Variants in CMKLR1 observed in about 807,000 individuals in gnomAD.
CMKLR1 encodes the protein chemerin-like receptor 1.
A neutral mutation model predicts 8.2 loss-of-function variants in CMKLR1; 6 were observed. That is an observed-to-expected ratio of 0.73 (90% CI 0.40 to 1.44). The LOEUF is 1.44. Ranked by LOEUF, CMKLR1 falls within the 40% of genes most tolerant of loss-of-function variation. CMKLR1 has a pLI of 0.02. For synonymous variants in CMKLR1, 178 were observed against 181.2 expected, an observed-to-expected ratio of 0.98 and a Z score of 0.14; for missense variants, 429 against 478.0, an observed-to-expected ratio of 0.90 and a Z score of 0.96.
chr12:108,307,120 C>G (rs1891429918), intron 2 of CMKLR1, among the ~76,000 whole-genome samples: 1 of 152,170 alleles, frequency 6.6e-6, no homozygotes, highest in African/African-American at 2.4e-5. Flanking sequence ...TTAGTTAATC[C>G]CCTGACGTCA....
intron 1 of CMKLR1, among the ~76,000 whole-genome samples, chr12:108,335,553 G>A (rs1250373384): frequency 1.3e-5 from 2 of 152,196 alleles, no homozygotes; most frequent in African/African-American, 2.4e-5. Flanking sequence ...ATTTGTTACT[G>A]CAGCTACTAC....
At chr12:108,299,848 T>C (rs919235632) in intron 2 of CMKLR1, among the ~76,000 whole-genome samples, 3 of 152,134 alleles carry the variant, frequency 2.0e-5, no homozygotes, top group Non-Finnish European at 4.4e-5. Flanking sequence ...TCCAGAACCA[T>C]GAGAGAATAA....
At chr12:108,311,154 G>A (rs751947783) in intron 2 of CMKLR1, among the ~76,000 whole-genome samples, 5 of 152,186 alleles carry the variant, frequency 3.3e-5, no homozygotes, top group Non-Finnish European at 5.9e-5. Flanking sequence ...TCGTGATGAC[G>A]ATGGAGAAGC....
intron 2 of CMKLR1, among the ~76,000 whole-genome samples, chr12:108,326,274 A>T (rs959501335): frequency 4.6e-5 from 7 of 152,152 alleles, no homozygotes; most frequent in African/African-American, 1.7e-4. Flanking sequence ...CTCTAAGAAG[A>T]TCCCCAACCA....
chr12:108,301,698 C>G (rs912505147), intron 2 of CMKLR1, among the ~76,000 whole-genome samples: 1 of 152,218 alleles, frequency 6.6e-6, no homozygotes, highest in African/African-American at 2.4e-5. Flanking sequence ...GGGGGTGTAT[C>G]CTTCCCCCAT....
intron 2 of CMKLR1, among the ~76,000 whole-genome samples, chr12:108,329,164 T>C (rs951721006): frequency 1.3e-5 from 2 of 152,236 alleles, no homozygotes; most frequent in African/African-American, 4.8e-5. Context: ...CAACTGAGTT[T>C]GGAGAGGGCA....
In CMKLR1 at chr12:108,289,512, A is replaced by G. The variant is rs747013620; in HGVS notation, c.*2329T>C. The G allele has an allele frequency of 6.6e-6, 1 of 152,188 alleles. No individual in the cohort carries two copies. The highest frequency in any genetic ancestry group is 1.5e-5 in the Non-Finnish European group (1 of 68,044). The allele number at this position is 152,188 out of a possible 1,614,324, so 9.4% of individuals were successfully genotyped here. ...GTGCTCCTGTTTATCAGCTTTTCCA[A>G]TGACAACATGAATTCCTGGCTCCCC... is the stretch of plus-strand genomic sequence containing the variant. On this transcript the variant is annotated 3_prime_UTR_variant, in exon 4 of 4. Coordinates refer to ENST00000550402, the MANE Select transcript of CMKLR1 (RefSeq NM_001142343.2).
chr12:108,303,184 C>T (rs139746455), intron 2 of CMKLR1, among the ~76,000 whole-genome samples: 5 of 152,342 alleles, frequency 3.3e-5, no homozygotes, highest in South Asian at 2.1e-4. Context: ...GAAGTAACAA[C>T]GTCAGCCCAG....
intron 1 of CMKLR1, among the ~76,000 whole-genome samples, chr12:108,337,973 C>A (rs1289040082): frequency 6.6e-6 from 1 of 152,062 alleles, no homozygotes; most frequent in Non-Finnish European, 1.5e-5. Flanking sequence ...GTAGGGGATG[C>A]AAAAGGGAAG....
chr12:108,335,359 G>A (rs1798363530), intron 1 of CMKLR1, among the ~76,000 whole-genome samples: 1 of 152,104 alleles, frequency 6.6e-6, no homozygotes, highest in Non-Finnish European at 1.5e-5. Context: ...AAGCAAATAT[G>A]CCACCTCCAT....
Position 108,301,528 on chromosome 12 carries a change from C to T in CMKLR1, c.-73-7864G>A, listed in dbSNP as rs560202539. Among the ~76,000 whole-genome samples the T allele has an allele frequency of 5.9e-4, 90 of 152,312 alleles. 1 individual carries two copies. The highest frequency in any genetic ancestry group is 2.1e-3 in the African/African-American group (87 of 41,572). On this transcript the variant is annotated intron_variant, in intron 2 of 3. Coordinates refer to ENST00000550402, the MANE Select transcript of CMKLR1 (RefSeq NM_001142343.2). ...CCCTACTATGTAACATGTGTTCATC[C>T]TCCACCAGCCCCCAGCTCAGTGCCT...
chr12:108,332,294 C>G (rs552412236), intron 1 of CMKLR1, among the ~76,000 whole-genome samples: 1 of 152,342 alleles, frequency 6.6e-6, no homozygotes, highest in Admixed American at 6.5e-5. Flanking sequence ...GCCTGCAATC[C>G]TAGCACTTTG....
At chr12:108,324,766 G>C (rs1891943463) in intron 2 of CMKLR1, among the ~76,000 whole-genome samples, 1 of 152,138 alleles carries the variant, frequency 6.6e-6, no homozygotes, top group African/African-American at 2.4e-5. Context: ...TGAGGGCTGA[G>C]GGTGCACCCT....
At chr12:108,301,763 C>T (rs1324213511) in intron 2 of CMKLR1, among the ~76,000 whole-genome samples, 1 of 152,192 alleles carries the variant, frequency 6.6e-6, no homozygotes, top group African/African-American at 2.4e-5. Context: ...ATGCCCATGT[C>T]GTTGTTGTGT....
At chr12:108,335,861 T>G (rs553812598) in intron 1 of CMKLR1, among the ~76,000 whole-genome samples, 16 of 152,326 alleles carry the variant, frequency 1.1e-4, no homozygotes, top group African/African-American at 3.1e-4. Flanking sequence ...CCATAAGACT[T>G]TCATTTGTGG....
intron 2 of CMKLR1, among the ~76,000 whole-genome samples, chr12:108,299,358 T>C (rs1162031260): frequency 1.3e-5 from 2 of 152,184 alleles, no homozygotes; most frequent in Non-Finnish European, 2.9e-5. Context: ...AAAATCACTT[T>C]TTTTTCAGTG....
chr12:108,291,916 G>C lies in CMKLR1; in HGVS notation c.1047C>G (p.Ser349Arg). ...SEDTGHSSYP[S>R]HRSFTKMSSM... ...ATGACATCTTGGTAAAGCTTCTATGGCTGGGGTAGGAAGAGTGGCCTGTAT... is the reference window on the plus strand; with the variant it reads ...ATGACATCTTGGTAAAGCTTCTATGCCTGGGGTAGGAAGAGTGGCCTGTAT... Residue 349 changes from serine (S) to arginine (R), a missense_variant, in exon 4 of 4, where the codon AGC (serine) becomes AGG (arginine). Physicochemically the swap from Ser to Arg is moderately radical, Grantham distance 110 (BLOSUM62 -1). Coordinates refer to ENST00000550402, the MANE Select transcript of CMKLR1 (RefSeq NM_001142343.2). The C allele has an allele frequency of 6.2e-7, 1 of 1,614,174 alleles. No individual in the cohort carries two copies. Among genetic ancestry groups the C allele is most frequent in the Non-Finnish European group, 8.5e-7 (1 of 1,180,018 alleles).
At chr12:108,304,444 A>G (rs976738027) in intron 2 of CMKLR1, among the ~76,000 whole-genome samples, 3 of 152,246 alleles carry the variant, frequency 2.0e-5, no homozygotes, top group East Asian at 3.9e-4. Context: ...CCTTTGCCCA[A>G]TGGGTTCTTT....
chr12:108,309,161 T>C (rs997213584), intron 2 of CMKLR1, among the ~76,000 whole-genome samples: 1 of 152,228 alleles, frequency 6.6e-6, no homozygotes, highest in African/African-American at 2.4e-5. Context: ...ATGTTGGTAA[T>C]GTTTTAGAAG....
Sources: allele counts gnomAD v4.1 joint callset (sites outside exome capture counted in the v4.1 genomes callset), GRCh38; gene constraint gnomAD v4.1.1; transcripts MANE v1.5; gene names NCBI Gene and HGNC (gene_info 2026-07-23, HGNC 2026-07-21).